Variants in GABRB2 observed in about 807,000 individuals in gnomAD.
GABRB2 encodes the protein gamma-aminobutyric acid type A receptor subunit beta2.
In GABRB2, 16 loss-of-function variants were observed where a neutral mutation model predicts 54.7. The observed-to-expected ratio is 0.29, with a 90% CI of 0.20 to 0.44. The LOEUF is 0.44. GABRB2 is among the 20% of genes least tolerant of loss of function. GABRB2 has a pLI of 1.00. For missense variants in GABRB2, 355 were observed against 644.0 expected, an observed-to-expected ratio of 0.55 and a Z score of 4.86; for synonymous variants, 244 against 233.8, an observed-to-expected ratio of 1.04 and a Z score of -0.40.
intron 5 of GABRB2, among the ~76,000 whole-genome samples, chr5:161,401,523 A>C (rs1387507921): frequency 6.6e-6 from 1 of 152,170 alleles, no homozygotes; most frequent in African/African-American, 2.4e-5. Flanking sequence ...GTGATACCTT[A>C]TAAAATAGAT....
chr5:161,448,256 G>A (rs1460764918), intron 4 of GABRB2, among the ~76,000 whole-genome samples: 7 of 152,016 alleles, frequency 4.6e-5, no homozygotes, highest in African/African-American at 1.2e-4. Context: ...GACCTTGTCT[G>A]TACCAAAAGT....
At chr5:161,457,676 GA>G (rs1757999053) in intron 4 of GABRB2, among the ~76,000 whole-genome samples, 1 of 151,926 alleles carries the variant, frequency 6.6e-6, no homozygotes, top group African/African-American at 2.4e-5. Flanking sequence ...TTGATCTCCT[GA>G]CCTCGTGATC....
At chr5:161,433,814 T>C (rs1438491054) in intron 4 of GABRB2, among the ~76,000 whole-genome samples, 1 of 152,162 alleles carries the variant, frequency 6.6e-6, no homozygotes, top group African/African-American at 2.4e-5. Flanking sequence ...GATGATTCTC[T>C]GTTAATATTC....
intron 9 of GABRB2, among the ~76,000 whole-genome samples, chr5:161,318,040 G>GT (rs933351739): frequency 4.0e-5 from 6 of 151,534 alleles, no homozygotes; most frequent in East Asian, 3.9e-4. Context: ...TACTGCTGGT[G>GT]TTTTTTTTCT....
At chr5:161,315,375 A>T (rs1327839691) in intron 9 of GABRB2, among the ~76,000 whole-genome samples, 1 of 152,176 alleles carries the variant, frequency 6.6e-6, no homozygotes, top group African/African-American at 2.4e-5. Context: ...GCATTAATAA[A>T]ATACATGGCA....
chr5:161,342,282 A>G (rs1754193040), intron 5 of GABRB2, among the ~76,000 whole-genome samples: 1 of 151,958 alleles, frequency 6.6e-6, no homozygotes, highest in Non-Finnish European at 1.5e-5. Flanking sequence ...ACATCACAGC[A>G]CTTTTTGAAT....
intron 5 of GABRB2, among the ~76,000 whole-genome samples, chr5:161,406,412 G>A (rs11950765): frequency 0.024 from 3,650 of 152,100 alleles, 146 homozygotes; most frequent in African/African-American, 0.082. Context: ...GTTGAGAAGG[G>A]TGATGTTGGG....
chr5:161,431,237 G>A (rs1174858153), intron 4 of GABRB2, among the ~76,000 whole-genome samples: 1 of 151,936 alleles, frequency 6.6e-6, no homozygotes, highest in Non-Finnish European at 1.5e-5. Flanking sequence ...TATATGAAGT[G>A]CTTAGAACAA....
At chr5:161,540,292 C>T (rs1473075052) in intron 3 of GABRB2, among the ~76,000 whole-genome samples, 2 of 152,194 alleles carry the variant, frequency 1.3e-5, no homozygotes, top group Non-Finnish European at 2.9e-5. Context: ...CTCAAGAAAC[C>T]ACATTCTTTG....
At chr5:161,499,905 A>G (rs1200780865) in intron 3 of GABRB2, among the ~76,000 whole-genome samples, 1 of 152,138 alleles carries the variant, frequency 6.6e-6, no homozygotes, top group East Asian at 1.9e-4. Flanking sequence ...TCACACTCTA[A>G]GATGAGGAAA....
At chr5:161,449,034 G>A (rs1757716868) in intron 4 of GABRB2, among the ~76,000 whole-genome samples, 1 of 152,096 alleles carries the variant, frequency 6.6e-6, no homozygotes, top group Non-Finnish European at 1.5e-5. Flanking sequence ...TGAATACTCA[G>A]TTCTTTTTAA....
At chr5:161,392,110 C>T (rs1205619304) in intron 5 of GABRB2, among the ~76,000 whole-genome samples, 1 of 152,170 alleles carries the variant, frequency 6.6e-6, no homozygotes. Flanking sequence ...TGAGGCCCTT[C>T]TCATCATGGC....
At chr5:161,471,392 C>G (rs1490806797) in intron 3 of GABRB2, among the ~76,000 whole-genome samples, 1 of 151,928 alleles carries the variant, frequency 6.6e-6, no homozygotes, top group Non-Finnish European at 1.5e-5. Flanking sequence ...CTCAGCTCCC[C>G]CTTAATAGAA....
At chr5:161,397,340 C>T (rs1209573494) in intron 5 of GABRB2, among the ~76,000 whole-genome samples, 2 of 152,140 alleles carry the variant, frequency 1.3e-5, no homozygotes, top group East Asian at 3.9e-4. Context: ...AGATGTTTCC[C>T]ATTTCTGTCC....
chr5:161,405,325 A>T (rs1756318417), intron 5 of GABRB2, among the ~76,000 whole-genome samples: 1 of 152,068 alleles, frequency 6.6e-6, no homozygotes, highest in African/African-American at 2.4e-5. Context: ...TGAGCACAGT[A>T]TTCCAGCAGT....
At chr5:161,538,848 T>C (rs1213193301) in intron 3 of GABRB2, among the ~76,000 whole-genome samples, 1 of 151,888 alleles carries the variant, frequency 6.6e-6, no homozygotes, top group Non-Finnish European at 1.5e-5. Flanking sequence ...AGTAAACACC[T>C]AGATAATATA....
chr5:161,501,297 A>T (rs950324544), intron 3 of GABRB2, among the ~76,000 whole-genome samples: 15 of 93,904 alleles, frequency 1.6e-4, no homozygotes, highest in African/African-American at 4.7e-4. Flanking sequence ...AGTCTTTGTT[A>T]AAAAAAAAAG....
chr5:161,331,259 T>C, intron 7 of GABRB2, 132 bp from the exon 8 acceptor site: 1 of 1,035,708 alleles, frequency 9.7e-7, no homozygotes, highest in Non-Finnish European at 1.4e-6. Flanking sequence ...CCTTTACTAT[T>C]GCATGCCAGC....
At chr5:161,409,424 T>TG (rs1756442147) in intron 5 of GABRB2, among the ~76,000 whole-genome samples, 1 of 152,118 alleles carries the variant, frequency 6.6e-6, no homozygotes, top group South Asian at 2.1e-4. Context: ...AACACTTGGG[T>TG]GTTGCCTGCA....
Sources: allele counts gnomAD v4.1 joint callset (sites outside exome capture counted in the v4.1 genomes callset), GRCh38; gene constraint gnomAD v4.1.1; transcripts MANE v1.5; gene names NCBI Gene and HGNC (gene_info 2026-07-23, HGNC 2026-07-21).